Variants in DENND1B observed in about 807,000 individuals in gnomAD.
The protein encoded by DENND1B is DENN domain-containing protein 1B.
DENND1B carries 59 observed loss-of-function variants against 90.1 expected under a neutral mutation model. The ratio of observed to expected loss-of-function variants is 0.65; its 90% confidence interval spans 0.53 to 0.81. The LOEUF (loss-of-function observed/expected upper bound fraction) is 0.81, where lower values mean the gene tolerates loss of function less well. DENND1B is among the 40% of genes least tolerant of loss of function. The pLI, the probability that DENND1B is intolerant of heterozygous loss-of-function variation, is 0.00. For synonymous variants in DENND1B, 337 were observed against 324.6 expected, an observed-to-expected ratio of 1.04 and a Z score of -0.41; for missense variants, 862 against 912.6, an observed-to-expected ratio of 0.94 and a Z score of 0.71.
intron 13 of DENND1B, 49 bp downstream of exon 13, chr1:197,607,024 G>T: frequency 7.3e-7 from 1 of 1,377,300 alleles, no homozygotes; most frequent in Non-Finnish European, 1.0e-6. Context: ...TAATTCAGAG[G>T]TCCAGGAGAA....
chr1:197,635,828 T>C (rs1244825212), intron 10 of DENND1B, among the ~76,000 whole-genome samples: 2 of 152,134 alleles, frequency 1.3e-5, no homozygotes, highest in Non-Finnish European at 2.9e-5. Flanking sequence ...GAAGCATGCA[T>C]GTGGGAGATT....
At chr1:197,541,458 T>C (rs1670330320) in intron 18 of DENND1B, among the ~76,000 whole-genome samples, 1 of 152,230 alleles carries the variant, frequency 6.6e-6, no homozygotes, top group African/African-American at 2.4e-5. Flanking sequence ...CAGAATTTTA[T>C]TAGCAGAGCC....
At chr1:197,690,648 A>AG (rs1657765530) in intron 3 of DENND1B, 1 of 212,352 alleles carries the variant, frequency 4.7e-6, no homozygotes, top group Non-Finnish European at 9.7e-6. Context: ...ATTATCCCTA[A>AG]TACCTGCACC....
At chr1:197,734,830 A>G (rs1011288764) in intron 2 of DENND1B, 1 of 984,760 alleles carries the variant, frequency 1.0e-6, no homozygotes, top group African/African-American at 1.7e-5. Context: ...AAACTTAACA[A>G]AAGAAATACA....
At chr1:197,546,610 AC>A (rs1670833335) in intron 17 of DENND1B, 122 bp downstream of exon 17, 1 of 861,960 alleles carries the variant, frequency 1.2e-6, no homozygotes, top group South Asian at 1.9e-5. Context: ...TTAAAATGTG[AC>A]AAAATATACA....
chr1:197,602,212 A>G (rs1425554530), intron 13 of DENND1B, among the ~76,000 whole-genome samples: 1 of 151,624 alleles, frequency 6.6e-6, no homozygotes, highest in Non-Finnish European at 1.5e-5. Context: ...CAGACTTTAA[A>G]AGCAAGTTTC....
intron 15 of DENND1B, among the ~76,000 whole-genome samples, 178 bp from the exon 16 acceptor site, chr1:197,553,290 A>G (rs917917848): frequency 1.3e-5 from 2 of 152,168 alleles, no homozygotes; most frequent in Non-Finnish European, 2.9e-5. Context: ...TTCTCAAACA[A>G]TGGAAAGAAC....
intron 2 of DENND1B, among the ~76,000 whole-genome samples, chr1:197,742,831 C>T (rs1010248057): frequency 6.6e-6 from 1 of 152,196 alleles, no homozygotes; most frequent in Admixed American, 6.5e-5. Flanking sequence ...TCTGGCCAAA[C>T]ACTAGGTTGC....
chr1:197,558,040 T>C (rs1671855785), intron 15 of DENND1B, among the ~76,000 whole-genome samples: 1 of 151,848 alleles, frequency 6.6e-6, no homozygotes, highest in Non-Finnish European at 1.5e-5. Flanking sequence ...AAAGAATTAG[T>C]TTATTATTAT....
chr1:197,767,011 C>T (rs560837383), intron 2 of DENND1B, among the ~76,000 whole-genome samples: 13 of 152,158 alleles, frequency 8.5e-5, no homozygotes, highest in South Asian at 2.1e-4. Flanking sequence ...CCAGGCTGGT[C>T]TCAAACTCCT....
At chr1:197,624,880 C>A (rs985521200) in intron 10 of DENND1B, among the ~76,000 whole-genome samples, 21 of 151,744 alleles carry the variant, frequency 1.4e-4, no homozygotes, top group African/African-American at 4.4e-4. Context: ...GCAGAAGCCT[C>A]AGGAGCCGAT....
chr1:197,684,129 C>T (rs1558398733), intron 3 of DENND1B, among the ~76,000 whole-genome samples: 1 of 152,216 alleles, frequency 6.6e-6, no homozygotes, highest in African/African-American at 2.4e-5. Context: ...TGCATGCTTG[C>T]TTTATCTTCC....
Position 197,512,869 on chromosome 1 carries a change from A to C in DENND1B, c.1598+2T>G, listed in dbSNP as rs747143230. ...AATAGGACACCAAAATCCATTACTTACTTGCTTGCTCTTTCAATGTCATCA... is the reference window on the plus strand; with the variant it reads ...AATAGGACACCAAAATCCATTACTTCCTTGCTTGCTCTTTCAATGTCATCA... On this transcript the variant is annotated splice_donor_variant, in intron 21 of 22. Coordinates refer to ENST00000620048, the MANE Select transcript of DENND1B (RefSeq NM_001195215.2). LOFTEE classifies it high-confidence loss of function. 4 of 1,609,780 alleles carry C rather than the reference A, an allele frequency of 2.5e-6. No individual in the cohort carries two copies. The South Asian group carries it at 4.4e-5, about 18-fold the overall frequency.
At chr1:197,577,831 A>C (rs547660673) in intron 15 of DENND1B, among the ~76,000 whole-genome samples, 1 of 152,332 alleles carries the variant, frequency 6.6e-6, no homozygotes, top group Non-Finnish European at 1.5e-5. Flanking sequence ...GTATCATGGA[A>C]TGTTAGAGAT....
chr1:197,741,181 C>A (rs542678314), intron 2 of DENND1B, among the ~76,000 whole-genome samples: 2 of 152,102 alleles, frequency 1.3e-5, no homozygotes, highest in African/African-American at 2.4e-5. Context: ...AGATAAACAC[C>A]GCTGGCTGGT....
intron 15 of DENND1B, among the ~76,000 whole-genome samples, chr1:197,572,927 A>G (rs944518929): frequency 2.0e-5 from 3 of 152,206 alleles, no homozygotes; most frequent in African/African-American, 7.2e-5. Context: ...AGCAACATCA[A>G]AGACCAAAGG....
intron 20 of DENND1B, among the ~76,000 whole-genome samples, chr1:197,523,063 A>G (rs1297214261): frequency 6.6e-6 from 1 of 152,032 alleles, no homozygotes; most frequent in Non-Finnish European, 1.5e-5. Context: ...AAAAATTGGG[A>G]GCAGTACAGG....
intron 18 of DENND1B, among the ~76,000 whole-genome samples, chr1:197,541,462 C>T (rs1670330488): frequency 6.6e-6 from 1 of 152,190 alleles, no homozygotes; most frequent in African/African-American, 2.4e-5. Flanking sequence ...ATTTTATTAG[C>T]AGAGCCATCT....
At chr1:197,576,640 A>C (rs1571940673) in intron 15 of DENND1B, among the ~76,000 whole-genome samples, 1 of 152,292 alleles carries the variant, frequency 6.6e-6, no homozygotes, top group Admixed American at 6.5e-5. Context: ...AAAATGCAGA[A>C]TGCTTCCTAA....
Sources: gnomAD v4.1 joint callset for allele counts (sites outside exome capture counted in the v4.1 genomes callset) on GRCh38, gnomAD v4.1.1 for gene constraint, MANE v1.5 for transcripts, NCBI Gene and HGNC (gene_info 2026-07-23, HGNC 2026-07-21) for gene names.